Variants in ALCAM observed in about 807,000 individuals in gnomAD.
ALCAM encodes the protein CD166 antigen.
Under a neutral mutation model 70.9 loss-of-function variants are expected in ALCAM, and 30 were observed. The observed-to-expected ratio is 0.42, with a 90% CI of 0.32 to 0.57. ALCAM has a LOEUF of 0.57. Among genes scored for constraint, ALCAM ranks in the 20% least tolerant of loss-of-function variants. The pLI is 0.11. For synonymous variants in ALCAM, 249 were observed against 242.5 expected, an observed-to-expected ratio of 1.03 and a Z score of -0.25; for missense variants, 591 against 695.1, an observed-to-expected ratio of 0.85 and a Z score of 1.68.
At chr3:105,433,441 G>A (rs1422598733) in intron 1 of ALCAM, among the ~76,000 whole-genome samples, 1 of 152,188 alleles carries the variant, frequency 6.6e-6, no homozygotes, top group Non-Finnish European at 1.5e-5. Flanking sequence ...GGACTAAAGA[G>A]AAGGAGTAGC....
At chr3:105,456,832 GA>G (rs755581574) in intron 1 of ALCAM, among the ~76,000 whole-genome samples, 31 of 150,208 alleles carry the variant, frequency 2.1e-4, no homozygotes, top group Non-Finnish European at 3.7e-4. Context: ...AGGTAAAAAA[GA>G]AAAAAAAACC....
At chr3:105,464,348 TG>T (rs1207924580) in intron 1 of ALCAM, among the ~76,000 whole-genome samples, 10 of 148,292 alleles carry the variant, frequency 6.7e-5, no homozygotes, top group Admixed American at 1.4e-4. Flanking sequence ...AGTTTAGTTA[TG>T]GGGGGTAAAA....
At chr3:105,550,575 G>C (rs2152631617) in intron 12 of ALCAM, among the ~76,000 whole-genome samples, 1 of 151,588 alleles carries the variant, frequency 6.6e-6, no homozygotes, top group South Asian at 2.1e-4. Context: ...TCAGAGTGGA[G>C]ATAATTCAAA....
chr3:105,395,731 G>T lies in ALCAM; in HGVS notation c.73+28250G>T, dbSNP rs374782021. ...ATAGTAAGATATGCATCTCTATAAT[G>T]AAGCTAGGACTTAGATCTCAAGAAC... On this transcript the variant is annotated intron_variant, in intron 1 of 15. Transcript: ENST00000306107. Among the ~76,000 whole-genome samples, 81 of 152,100 alleles carry T rather than the reference G, an allele frequency of 5.3e-4. No individual in the cohort carries two copies. In the South Asian group the frequency reaches 0.013, roughly 25 times the overall value.
chr3:105,438,334 G>A (rs971937606), intron 1 of ALCAM, among the ~76,000 whole-genome samples: 5 of 151,524 alleles, frequency 3.3e-5, no homozygotes, highest in African/African-American at 9.7e-5. Context: ...TTCATAATTC[G>A]GACTCCTTGG....
chr3:105,479,682 C>T (rs1938217276), intron 1 of ALCAM, among the ~76,000 whole-genome samples: 2 of 152,176 alleles, frequency 1.3e-5, no homozygotes, highest in Non-Finnish European at 2.9e-5. Flanking sequence ...CCATCATATA[C>T]TATTTATTCT....
At chr3:105,494,392 ATCT>A (rs1938678431) in intron 1 of ALCAM, among the ~76,000 whole-genome samples, 2 of 152,122 alleles carry the variant, frequency 1.3e-5, no homozygotes, top group South Asian at 4.1e-4. Context: ...ATAACAATGA[ATCT>A]TTTGTTTTAT....
chr3:105,498,082 C>T (rs1938808344), intron 1 of ALCAM, among the ~76,000 whole-genome samples: 1 of 151,528 alleles, frequency 6.6e-6, no homozygotes, highest in Non-Finnish European at 1.5e-5. Context: ...AAGCACCCAC[C>T]ATGTTCCAGG....
intron 1 of ALCAM, among the ~76,000 whole-genome samples, chr3:105,389,054 G>A (rs1346213437): frequency 6.6e-6 from 1 of 151,486 alleles, no homozygotes; most frequent in East Asian, 1.9e-4. Flanking sequence ...GATAATTTTT[G>A]GAAAATGATG....
At chr3:105,369,398 C>G (rs1935166007) in intron 1 of ALCAM, among the ~76,000 whole-genome samples, 1 of 152,296 alleles carries the variant, frequency 6.6e-6, no homozygotes, top group East Asian at 1.9e-4. Flanking sequence ...CGGCTAGCCC[C>G]GGCTCACCGC....
At chr3:105,482,159 C>T (rs1275679142) in intron 1 of ALCAM, among the ~76,000 whole-genome samples, 1 of 152,156 alleles carries the variant, frequency 6.6e-6, no homozygotes, top group South Asian at 2.1e-4. Flanking sequence ...GTCGCCCACG[C>T]TAGAATGCAG....
At chr3:105,425,408 C>T (rs1267476224) in intron 1 of ALCAM, among the ~76,000 whole-genome samples, 3 of 151,702 alleles carry the variant, frequency 2.0e-5, no homozygotes, top group African/African-American at 7.3e-5. Context: ...AAGGAGACTC[C>T]TGCATTGGGC....
intron 14 of ALCAM, among the ~76,000 whole-genome samples, chr3:105,570,317 T>C (rs961021506): frequency 3.3e-5 from 5 of 151,868 alleles, no homozygotes; most frequent in Non-Finnish European, 7.4e-5. Context: ...AATGCAATAA[T>C]TGAAAAGAGA....
chr3:105,489,311 T>C (rs900248480), intron 1 of ALCAM, among the ~76,000 whole-genome samples: 3 of 152,212 alleles, frequency 2.0e-5, no homozygotes, highest in African/African-American at 7.2e-5. Flanking sequence ...TCCAATTTTA[T>C]ATCAATAAGT....
At chr3:105,541,827 C>A in intron 8 of ALCAM, 62 bp downstream of exon 8, 3 of 1,576,090 alleles carry the variant, frequency 1.9e-6, no homozygotes, top group Non-Finnish European at 8.7e-7. Flanking sequence ...CTTAATGTAG[C>A]TATCTTTTCA....
chr3:105,410,369 A>G (rs553015077), intron 1 of ALCAM, among the ~76,000 whole-genome samples: 12 of 152,214 alleles, frequency 7.9e-5, no homozygotes, highest in African/African-American at 2.9e-4. Flanking sequence ...CGTAAAATCT[A>G]TCTGAAAATT....
chr3:105,486,027 G>T (rs1164884783), intron 1 of ALCAM, among the ~76,000 whole-genome samples: 2 of 151,978 alleles, frequency 1.3e-5, no homozygotes, highest in African/African-American at 4.8e-5. Flanking sequence ...AAAGTTATTG[G>T]TATGAAACTT....
At position 105,466,080 on chromosome 3, in the gene ALCAM, A is replaced by T. The variant is rs1040619855; in HGVS notation, c.74-53987A>T. 1.5e-4 allele frequency among the ~76,000 whole-genome samples: 23 copies of T among 151,468 alleles called. No individual in the cohort carries two copies. The Admixed American group carries it at 1.5e-3, about 10-fold the overall frequency. On this transcript the variant is annotated intron_variant, in intron 1 of 15. Coordinates refer to ENST00000306107, the MANE Select transcript of ALCAM (RefSeq NM_001627.4). ...TCTATTTTAAAAATATCTATTTTTT[A>T]AAATTTATTGTACCATTTATTTCTT...
chr3:105,465,389 T>C (rs1248740952), intron 1 of ALCAM, among the ~76,000 whole-genome samples: 1 of 151,434 alleles, frequency 6.6e-6, no homozygotes, highest in Non-Finnish European at 1.5e-5. Flanking sequence ...ATGTTAGTCA[T>C]GGGCAAGATG....
Sources: gnomAD v4.1 joint callset for allele counts (sites outside exome capture counted in the v4.1 genomes callset) on GRCh38, gnomAD v4.1.1 for gene constraint, MANE v1.5 for transcripts, NCBI Gene and HGNC (gene_info 2026-07-23, HGNC 2026-07-21) for gene names.